COL16A1: variants seen among roughly 807,000 people sequenced by gnomAD.
COL16A1 encodes collagen type XVI alpha 1 chain, also known as collagen alpha-1(XVI) chain.
Under a neutral mutation model 266.3 loss-of-function variants are expected in COL16A1, and 189 were observed. The ratio of observed to expected loss-of-function variants is 0.71; its 90% CI spans 0.63 to 0.80. The LOEUF (loss-of-function observed/expected upper bound fraction) is 0.80, where lower values mean the gene tolerates loss of function less well. COL16A1 is among the 30% of genes least tolerant of loss of function. The pLI, the probability that COL16A1 is intolerant of heterozygous loss-of-function variation, is 0.00. For missense variants in COL16A1, 1,928 were observed against 2,122.4 expected (o/e 0.91, Z 1.80); for synonymous variants, 740 against 782.3 (o/e 0.95, Z 0.90).
intron 58 of COL16A1, 39 bp from the exon 59 acceptor site, chr1:31,661,743 G>A: frequency 6.3e-7 from 1 of 1,582,964 alleles, no homozygotes; most frequent in Non-Finnish European, 8.6e-7. Context: ...CAAGAGTTTT[G>A]CCCAGCTTGT....
chr1:31,660,530 A>G, intron 62 of COL16A1, 55 bp downstream of exon 62: 1 of 1,602,976 alleles, frequency 6.2e-7, no homozygotes, highest in South Asian at 1.1e-5. Context: ...ACCACCAACC[A>G]CCCCGCCAAA....
In COL16A1 at chr1:31,684,163, C is replaced by T; in HGVS notation, c.2229G>A (p.Gln743=). 1.3e-6 allele frequency: 2 copies of T among 1,545,836 alleles called. No individual in the cohort carries two copies. Among genetic ancestry groups the T allele is most frequent in the Non-Finnish European group, 8.7e-7 (1 of 1,144,124 alleles). Residue 743 remains glutamine (Q), a synonymous_variant, in exon 32 of 71, where the codon CAG becomes CAA. Coordinates refer to ENST00000373672, the MANE Select transcript of COL16A1 (RefSeq NM_001856.4). ...GGCCCTGCTCTCCTTTGGGGCCGGG[C>T]TGCCCAGGCCGTCCTGCCATGTCTG... ...TVTDMAGRPG[Q]PGPKGEQGPE... is the part of the protein sequence containing the mutation.
chr1:31,665,967 CCT>C (rs767025515), intron 53 of COL16A1, 32 bp from the exon 54 acceptor site: 1 of 1,614,048 alleles, frequency 6.2e-7, no homozygotes. Context: ...GCAGCCGAAA[CCT>C]AATCTTCCTG....
chr1:31,667,484 TC>T (rs2148690676), intron 52 of COL16A1, 90 bp downstream of exon 52: 2 of 1,108,100 alleles, frequency 1.8e-6, no homozygotes, highest in South Asian at 2.8e-5. Flanking sequence ...GTCACGATCC[TC>T]CCCTTCACAG....
chr1:31,656,489 T>C lies in COL16A1; in HGVS notation c.4057-45A>G. On this transcript the variant is annotated intron_variant, in intron 65 of 70. Transcript: ENST00000373672. This position sits in a 1 kb window ranked among gnomAD's most constrained non-coding sequence, Gnocchi z 4.2. Reference sequence around the variant, plus strand: ...AGAGGTGAAGTCCGGGCAGCATCTCTGAGGCTCCCTGGGGAGGCAGGTGCA... The same window carrying C: ...AGAGGTGAAGTCCGGGCAGCATCTCCGAGGCTCCCTGGGGAGGCAGGTGCA... 6.2e-7 allele frequency: 1 copy of C among 1,603,464 alleles called. No individual in the cohort carries two copies. The highest frequency in any genetic ancestry group is 1.1e-5 in the South Asian group (1 of 89,112).
Position 31,672,766 on chromosome 1 carries a change from G to GTCTCCCTTC in COL16A1, c.2925_2933dup (p.Glu975_Gly977dup). On this transcript the variant is annotated inframe_insertion, in exon 45 of 71. Coordinates refer to ENST00000373672, the MANE Select transcript of COL16A1 (RefSeq NM_001856.4). The stretch of plus-strand genomic sequence containing the variant: ...GGCCTGGCACACCAGGGATGCCCTG[G>GTCTCCCTTC]TCTCCCTTCTCTCCCTTCTCCACGA... 2 of 1,614,176 alleles carry GTCTCCCTTC rather than the reference G, an allele frequency of 1.2e-6. No individual in the cohort carries two copies. The highest frequency in any genetic ancestry group is 2.2e-5 in the South Asian group (2 of 91,090).
intron 10 of COL16A1, 45 bp from the exon 11 acceptor site, chr1:31,695,266 G>T: frequency 6.2e-7 from 1 of 1,606,490 alleles, no homozygotes; most frequent in Non-Finnish European, 8.5e-7. Flanking sequence ...GAGCCCCTGG[G>T]GTGAGCCCTC....
Position 31,693,103 on chromosome 1 carries a change from T to C in COL16A1, c.1060A>G (p.Lys354Glu). ...GCTGGGACACTTACCCGTGCTCCCT[T>C]CTCTCCCTTGGAGCCTGGTGGACCA... Reference protein sequence around the residue: ...LPGPPGSKGEKGARGNDCVRI... With the variant: ...LPGPPGSKGEEGARGNDCVRI... The change falls in exon 13 of 71, where the codon AAG (lysine) becomes GAG (glutamate). Residue 354 changes from lysine to glutamate, a missense_variant. Physicochemically the swap from Lys to Glu is moderately conservative, Grantham distance 56 (BLOSUM62 1). Transcript: ENST00000373672. 6.2e-7 allele frequency: 1 copy of C among 1,610,182 alleles called. No homozygotes were observed. Among genetic ancestry groups the C allele is most frequent in the South Asian group, 1.1e-5 (1 of 90,894 alleles).
intron 52 of COL16A1, 134 bp from the exon 53 acceptor site, chr1:31,666,215 G>T: frequency 1.1e-6 from 1 of 922,088 alleles, no homozygotes; most frequent in Non-Finnish European, 1.6e-6. Context: ...GGCCCCCTCT[G>T]CCTGATCTGC....
chr1:31,686,449 C>T, intron 26 of COL16A1, 170 bp from the exon 27 acceptor site: 1 of 916,180 alleles, frequency 1.1e-6, no homozygotes, highest in Non-Finnish European at 1.7e-6. Context: ...TGTAACCAGC[C>T]AGGGGCTAGA....
chr1:31,691,352 C>T, intron 19 of COL16A1, 65 bp downstream of exon 19: 4 of 1,583,494 alleles, frequency 2.5e-6, no homozygotes, highest in East Asian at 2.2e-5. Context: ...CCCGTTCATT[C>T]CCTGGCCAGG....
chr1:31,653,237 A>G (rs1640784312), intron 70 of COL16A1, among the ~76,000 whole-genome samples: 3 of 152,190 alleles, frequency 2.0e-5, no homozygotes, highest in African/African-American at 7.2e-5. Flanking sequence ...CTTTCAGGCT[A>G]TATAGCCAAA....
intron 4 of COL16A1, 92 bp downstream of exon 4, chr1:31,699,721 C>G: frequency 1.2e-6 from 1 of 839,690 alleles, no homozygotes. Context: ...GACCCACAGA[C>G]AGGCCCCTGG....
In COL16A1 at chr1:31,683,994, C is replaced by A. The variant is rs545997076; in HGVS notation, c.2293G>T (p.Gly765Cys). The A allele has an allele frequency of 3.1e-6, 5 of 1,614,202 alleles. No individual in the cohort carries two copies. In the East Asian group the frequency reaches 8.9e-5, roughly 29 times the overall value. The change falls in exon 33 of 71, where the codon GGT (glycine) becomes TGT (cysteine). Residue 765 changes from glycine (G) to cysteine (C), a missense_variant. By Grantham distance (159) the Gly-to-Cys change is radical. This residue lies in a region of COL16A1 where 1,552 missense variants were observed against 1,637.2 expected (regional missense o/e 0.95). Coordinates refer to ENST00000373672, the MANE Select transcript of COL16A1 (RefSeq NM_001856.4). ...VGRPGKPGQP[G>C]LPGVQGPPGL... Reference sequence around the variant, plus strand: ...GGGGGCCCTTGAACTCCTGGTAGACCGGGTTGGCCCTAAAAGGCATAAGGT... The same window carrying A: ...GGGGGCCCTTGAACTCCTGGTAGACAGGGTTGGCCCTAAAAGGCATAAGGT...
In COL16A1 at chr1:31,668,244, A is replaced by G. The variant is rs1351035158; in HGVS notation, c.3250-26T>C. On this transcript the variant is annotated intron_variant, in intron 50 of 70. Coordinates refer to ENST00000373672, the MANE Select transcript of COL16A1 (RefSeq NM_001856.4). The surrounding 1 kb of genome is among the most constrained non-coding windows in gnomAD (Gnocchi z 5.8). ...CTGCAAAGAAAGGCAGACATGATGG[A>G]TAGCCCCCCAACATTTCTGTTCTCC... 2 of 1,612,212 alleles carry G rather than the reference A, an allele frequency of 1.2e-6. No homozygotes were observed. Among genetic ancestry groups the G allele is most frequent in the Non-Finnish European group, 1.7e-6 (2 of 1,178,552 alleles).
At chr1:31,695,156 C>T (rs1644440440) in intron 11 of COL16A1, 30 bp downstream of exon 11, 2 of 1,612,780 alleles carry the variant, frequency 1.2e-6, no homozygotes, top group Non-Finnish European at 1.7e-6. Context: ...CTCTTGCCCG[C>T]TCCACCCTGC....
chr1:31,689,598 TA>T (rs1296784578), intron 23 of COL16A1, 142 bp downstream of exon 23: 3 of 693,100 alleles, frequency 4.3e-6, no homozygotes, highest in Non-Finnish European at 7.7e-6. Flanking sequence ...CTTACCACAG[TA>T]AGAGCCTAGA....
chr1:31,680,281 T>G (rs1643532699), intron 39 of COL16A1, among the ~76,000 whole-genome samples, 180 bp from the exon 40 acceptor site: 1 of 152,162 alleles, frequency 6.6e-6, no homozygotes, highest in African/African-American at 2.4e-5. Flanking sequence ...CCTCCTCGCC[T>G]GTAAAATGGG....
At position 31,698,459 on chromosome 1, in the gene COL16A1, A is replaced by C. The variant is rs770721524; in HGVS notation, c.390+24T>G. ...GGTGCTACCCAATGCCCTAAGAGGC[A>C]ATCAGGGCACAGGGGAGGTTCACCT... is the stretch of plus-strand genomic sequence containing the variant. On this transcript the variant is annotated intron_variant, in intron 5 of 70. Transcript: ENST00000373672. The surrounding 1 kb of genome is among the most constrained non-coding windows in gnomAD (Gnocchi z 4.1). 6 of 1,613,794 alleles carry C rather than the reference A, an allele frequency of 3.7e-6. No individual in the cohort carries two copies. In the Admixed American group the frequency reaches 8.3e-5, roughly 22 times the overall value.
Sources: allele counts gnomAD v4.1 joint callset (sites outside exome capture counted in the v4.1 genomes callset), GRCh38; gene constraint gnomAD v4.1.1; regional missense constraint gnomAD v4.1.1; non-coding constraint Gnocchi (gnomAD v3.1); transcripts MANE v1.5; gene names NCBI Gene and HGNC (gene_info 2026-07-23, HGNC 2026-07-21).